The following DPP4 variants were observed in gnomAD, a reference collection of about 807,000 sequenced individuals.
The protein encoded by DPP4 is dipeptidyl peptidase 4, also known as ADCP-2.
Under a neutral mutation model 122.4 loss-of-function variants are expected in DPP4, and 93 were observed. The observed-to-expected ratio is 0.76, with a 90% CI of 0.64 to 0.90. The LOEUF is 0.90. Among genes scored for constraint, DPP4 ranks in the 40% least tolerant of loss-of-function variants. The probability of loss-of-function intolerance (pLI) is 0.00; values close to 1 mark genes in which losing one functional copy is unlikely to be tolerated. For missense variants in DPP4, 914 were observed against 907.3 expected, an observed-to-expected ratio of 1.01 and a Z score of -0.09; for synonymous variants, 321 against 302.9, an observed-to-expected ratio of 1.06 and a Z score of -0.62.
chr2:162,005,646 G>T, intron 23 of DPP4, 99 bp downstream of exon 23: 1 of 1,089,682 alleles, frequency 9.2e-7, no homozygotes, highest in Non-Finnish European at 1.3e-6. Flanking sequence ...AATTTTGTTG[G>T]AAATAAAAAT....
chr2:162,016,801 T>C lies in DPP4; in HGVS notation c.1534A>G (p.Lys512Glu), dbSNP rs1343794155. 12 of 1,612,750 alleles carry C rather than the reference T, an allele frequency of 7.4e-6. No homozygotes were observed. Among genetic ancestry groups the C allele is most frequent in the Non-Finnish European group, 1.0e-5 (12 of 1,179,694 alleles). Residue 512 changes from lysine (K) to glutamate (E), a missense_variant, in exon 18 of 26, where the codon AAA (lysine) becomes GAA (glutamate). Physicochemically the swap from Lys to Glu is moderately conservative, Grantham distance 56. Transcript: ENST00000360534. ...TTCAAAATAATGAAGTCCAGTTTTTTGGAGGGCATCTGGACATTCTGCAGC... is the reference window on the plus strand; with the variant it reads ...TTCAAAATAATGAAGTCCAGTTTTTCGGAGGGCATCTGGACATTCTGCAGC... ...KMLQNVQMPS[K>E]KLDFIILNET...
chr2:162,022,531 C>T (rs1206838715), intron 12 of DPP4, among the ~76,000 whole-genome samples: 1 of 152,174 alleles, frequency 6.6e-6, no homozygotes, highest in Non-Finnish European at 1.5e-5. Flanking sequence ...TTTGTCTGCT[C>T]TGCTTTTGAT....
At chr2:162,052,225 G>A (rs112588911) in intron 2 of DPP4, among the ~76,000 whole-genome samples, 5,854 of 149,696 alleles carry the variant, frequency 0.039, 259 homozygotes, top group African/African-American at 0.1. Flanking sequence ...GGCTGAGGCA[G>A]GAAAATTGCT....
At chr2:162,062,582 G>A (rs953457198) in intron 2 of DPP4, among the ~76,000 whole-genome samples, 4 of 152,218 alleles carry the variant, frequency 2.6e-5, no homozygotes, top group Non-Finnish European at 1.5e-5. Context: ...GGTTGTGAGA[G>A]TGAAGTTCTC....
chr2:162,037,197 C>T (rs1156927445), intron 8 of DPP4, among the ~76,000 whole-genome samples: 1 of 152,166 alleles, frequency 6.6e-6, no homozygotes, highest in Non-Finnish European at 1.5e-5. Flanking sequence ...AGACTCCCTC[C>T]AGCAATTATC....
chr2:162,061,553 G>T (rs1684772188), intron 2 of DPP4, among the ~76,000 whole-genome samples: 1 of 152,046 alleles, frequency 6.6e-6, no homozygotes, highest in Admixed American at 6.5e-5. Context: ...TAAGCCATGA[G>T]GATAAACGTA....
At position 162,045,579 on chromosome 2, in the gene DPP4, T is replaced by C. The variant is rs1576062078; in HGVS notation, c.319A>G (p.Ile107Val). Reference sequence around the variant, plus strand: ...AGAATAAACTGCCCATCAGGAGATATTGAATAATCATTGATAGAATGTCCA... The same window carrying C: ...AGAATAAACTGCCCATCAGGAGATACTGAATAATCATTGATAGAATGTCCA... ...EFGHSINDYSISPDGQFILLE... is the reference protein window; with the variant it reads ...EFGHSINDYSVSPDGQFILLE... The change falls in exon 5 of 26, where the codon ATA (isoleucine) becomes GTA (valine). Residue 107 changes from isoleucine to valine, a missense_variant. By Grantham distance (29) the Ile-to-Val change is conservative. Coordinates refer to ENST00000360534, the MANE Select transcript of DPP4 (RefSeq NM_001935.4). 7 of 1,612,894 alleles carry C rather than the reference T, an allele frequency of 4.3e-6. No homozygotes were observed. In the African/African-American group the frequency reaches 5.3e-5, roughly 12 times the overall value.
At chr2:162,000,777 G>A (rs1021237551) in intron 23 of DPP4, among the ~76,000 whole-genome samples, 2 of 152,102 alleles carry the variant, frequency 1.3e-5, no homozygotes, top group Non-Finnish European at 2.9e-5. Flanking sequence ...GTTCCAGGCT[G>A]CCCTCTTCTC....
chr2:162,001,383 T>C (rs1242194689), intron 23 of DPP4, among the ~76,000 whole-genome samples: 2 of 152,218 alleles, frequency 1.3e-5, no homozygotes, highest in Admixed American at 6.5e-5. Context: ...TTCCCCTCCC[T>C]ACATGCTCCT....
chr2:162,009,561 C>T (rs1351575401), intron 20 of DPP4, among the ~76,000 whole-genome samples: 1 of 138,396 alleles, frequency 7.2e-6, no homozygotes, highest in African/African-American at 2.7e-5. Flanking sequence ...GTATGATTCA[C>T]AGAAAACAAA....
At chr2:162,061,788 C>T (rs1684783396) in intron 2 of DPP4, among the ~76,000 whole-genome samples, 1 of 152,130 alleles carries the variant, frequency 6.6e-6, no homozygotes, top group Non-Finnish European at 1.5e-5. Flanking sequence ...CTAGAGACAT[C>T]ACAGTGAATA....
At chr2:162,054,893 A>T (rs1684513755) in intron 2 of DPP4, among the ~76,000 whole-genome samples, 1 of 152,208 alleles carries the variant, frequency 6.6e-6, no homozygotes, top group Non-Finnish European at 1.5e-5. Context: ...ATTAAACAAG[A>T]TAATGTATGT....
At chr2:162,037,323 TG>T (rs1021024489) in intron 8 of DPP4, among the ~76,000 whole-genome samples, 23 of 152,352 alleles carry the variant, frequency 1.5e-4, no homozygotes, top group Middle Eastern at 6.8e-3. Context: ...TCCTGGAGGC[TG>T]GGTTGTGCTG....
At chr2:162,038,817 C>A (rs1295694681) in intron 7 of DPP4, 132 bp downstream of exon 7, 1 of 796,678 alleles carries the variant, frequency 1.3e-6, no homozygotes, top group Non-Finnish European at 2.1e-6. Flanking sequence ...ACATTAGATC[C>A]TGGGCAATAA....
intron 2 of DPP4, among the ~76,000 whole-genome samples, chr2:162,052,960 G>A (rs138591507): frequency 4.9e-4 from 74 of 152,300 alleles, no homozygotes; most frequent in African/African-American, 1.7e-3. Context: ...CTGGAAGGCA[G>A]AATTAGAGGA....
At chr2:161,997,726 G>T (rs1334625288) in intron 23 of DPP4, among the ~76,000 whole-genome samples, 3 of 152,066 alleles carry the variant, frequency 2.0e-5, no homozygotes, top group African/African-American at 7.2e-5. Context: ...TATAAATAAG[G>T]GTTTATAAAA....
At chr2:162,025,008 A>G in intron 10 of DPP4, 69 bp from the exon 11 acceptor site, 1 of 1,546,238 alleles carries the variant, frequency 6.5e-7, no homozygotes, top group Non-Finnish European at 8.7e-7. Flanking sequence ...CCTTGGTACA[A>G]ATAGACATTT....
intron 12 of DPP4, 26 bp from the exon 13 acceptor site, chr2:162,020,714 A>G (rs550225141): frequency 2.0e-6 from 3 of 1,538,404 alleles, no homozygotes; most frequent in African/African-American, 1.4e-5. Flanking sequence ...GAACAAAAGA[A>G]CATTAAAGCA....
rs1683647746 is a variant in DPP4 at position 162,033,664 on chromosome 2, A to G, written c.775-11T>C. The G allele has an allele frequency of 4.4e-6, 7 of 1,587,284 alleles. No homozygotes were observed. The highest frequency in any genetic ancestry group is 3.4e-5 in the South Asian group (3 of 87,488). Reference sequence around the variant, plus strand: ...ATTCACAGCTCCTGCCTAGGAAAAAATAATCACAGAATTGGTATTGACAAA... The same window carrying G: ...ATTCACAGCTCCTGCCTAGGAAAAAGTAATCACAGAATTGGTATTGACAAA... On this transcript the variant is annotated splice_polypyrimidine_tract_variant and intron_variant, in intron 9 of 25. Coordinates refer to ENST00000360534, the MANE Select transcript of DPP4 (RefSeq NM_001935.4).
Sources: gnomAD v4.1 joint callset for allele counts (sites outside exome capture counted in the v4.1 genomes callset) on GRCh38, gnomAD v4.1.1 for gene constraint, MANE v1.5 for transcripts, NCBI Gene and HGNC (gene_info 2026-07-23, HGNC 2026-07-21) for gene names.